The following SNTG1 variants were observed in gnomAD, a reference collection of about 807,000 sequenced individuals.
SNTG1 encodes gamma-1-syntrophin.
SNTG1 carries 39 observed loss-of-function variants against 74.7 expected under a neutral mutation model. That is an observed-to-expected ratio of 0.52 (90% confidence interval 0.40 to 0.68). SNTG1 has a LOEUF of 0.68. Among genes scored for constraint, SNTG1 ranks in the 30% least tolerant of loss-of-function variants. The pLI is 0.00. For synonymous variants in SNTG1, 254 were observed against 217.1 expected (o/e 1.17, Z -1.49); for missense variants, 685 against 609.5 (o/e 1.12, Z -1.30).
chr8:50,284,692 A>G (rs1048119696), intron 2 of SNTG1, among the ~76,000 whole-genome samples: 4 of 152,094 alleles, frequency 2.6e-5, no homozygotes, highest in Non-Finnish European at 5.9e-5. Flanking sequence ...ATCATTTGCT[A>G]CTTGGTGTTA....
At chr8:50,724,840 G>A (rs1044523304) in intron 17 of SNTG1, among the ~76,000 whole-genome samples, 5 of 152,050 alleles carry the variant, frequency 3.3e-5, no homozygotes, top group African/African-American at 4.8e-5. Flanking sequence ...TGAATTTATG[G>A]TAGCATTCAA....
intron 1 of SNTG1, among the ~76,000 whole-genome samples, chr8:49,913,529 T>C (rs535048741): frequency 5.3e-4 from 81 of 152,300 alleles, no homozygotes; most frequent in Non-Finnish European, 8.7e-4. Context: ...CCACTTACCA[T>C]GAACCTGCTT....
intron 12 of SNTG1, among the ~76,000 whole-genome samples, chr8:50,590,474 C>T (rs889525785): frequency 1.3e-5 from 2 of 152,000 alleles, no homozygotes; most frequent in African/African-American, 2.4e-5. Context: ...TATCCTTTAG[C>T]GTTTGGATAT....
chr8:50,529,570 G>C (rs1282184373), intron 9 of SNTG1, among the ~76,000 whole-genome samples: 1 of 151,816 alleles, frequency 6.6e-6, no homozygotes, highest in Admixed American at 6.6e-5. Context: ...TTACTAAACT[G>C]GGAAATCTTA....
intron 2 of SNTG1, among the ~76,000 whole-genome samples, chr8:50,263,112 G>A (rs1181370927): frequency 1.3e-5 from 2 of 152,168 alleles, no homozygotes; most frequent in Non-Finnish European, 2.9e-5. Flanking sequence ...AACTTTTCGT[G>A]ATAATGATGT....
At chr8:50,154,909 T>G (rs568019161) in intron 1 of SNTG1, among the ~76,000 whole-genome samples, 1 of 152,360 alleles carries the variant, frequency 6.6e-6, no homozygotes, top group African/African-American at 2.4e-5. Flanking sequence ...GTTCAGTTCA[T>G]GGCAATGTGG....
chr8:50,542,879 C>A (rs117731188), intron 11 of SNTG1, among the ~76,000 whole-genome samples: 1 of 152,060 alleles, frequency 6.6e-6, no homozygotes, highest in South Asian at 2.1e-4. Context: ...GTTGACCATA[C>A]GTATGTCTTC....
At chr8:50,450,656 C>T (rs2093447735) in intron 7 of SNTG1, 32 bp from the exon 8 acceptor site, 4 of 1,613,220 alleles carry the variant, frequency 2.5e-6, no homozygotes, top group Non-Finnish European at 3.4e-6. Context: ...TACAATATGC[C>T]ATGGGAAACT....
chr8:50,625,008 T>C (rs1002360665), intron 13 of SNTG1, among the ~76,000 whole-genome samples: 3 of 152,204 alleles, frequency 2.0e-5, no homozygotes, highest in Admixed American at 6.5e-5. Context: ...AGCTTCAGCA[T>C]TTCTTTTGCT....
intron 1 of SNTG1, among the ~76,000 whole-genome samples, chr8:49,939,571 C>G (rs2630550): frequency 0.87 from 132,130 of 152,232 alleles, 57,522 homozygotes; most frequent in East Asian, 1. Flanking sequence ...CGAGTAACTA[C>G]AATTACAGGT....
chr8:50,731,516 G>C (rs2095512992), intron 17 of SNTG1, among the ~76,000 whole-genome samples: 1 of 152,016 alleles, frequency 6.6e-6, no homozygotes, highest in Admixed American at 6.6e-5. Flanking sequence ...TCTTGCTCCT[G>C]TGTTTCTTAC....
At chr8:50,135,878 A>G (rs1272581726) in intron 1 of SNTG1, among the ~76,000 whole-genome samples, 1 of 152,142 alleles carries the variant, frequency 6.6e-6, no homozygotes, top group African/African-American at 2.4e-5. Flanking sequence ...GCTGATAGAT[A>G]GTTTTTTGAT....
At chr8:50,328,334 A>T (rs1192441739) in intron 2 of SNTG1, among the ~76,000 whole-genome samples, 1 of 152,172 alleles carries the variant, frequency 6.6e-6, no homozygotes, top group African/African-American at 2.4e-5. Flanking sequence ...TGTCAACTTT[A>T]AATATTTCAC....
chr8:50,438,693 G>A (rs554094523), intron 5 of SNTG1, 94 bp downstream of exon 5: 52 of 1,058,262 alleles, frequency 4.9e-5, no homozygotes, highest in Non-Finnish European at 7.0e-5. Context: ...AATTAGACAA[G>A]GATGGCTATA....
At chr8:50,611,367 A>G (rs2094848611) in intron 13 of SNTG1, among the ~76,000 whole-genome samples, 1 of 152,178 alleles carries the variant, frequency 6.6e-6, no homozygotes, top group South Asian at 2.1e-4. Context: ...AGAATCCCAG[A>G]CAGAGAACAG....
intron 2 of SNTG1, among the ~76,000 whole-genome samples, chr8:50,238,046 T>G (rs1331932548): frequency 6.6e-6 from 1 of 152,150 alleles, no homozygotes; most frequent in Admixed American, 6.5e-5. Flanking sequence ...GAGGAATCAA[T>G]ATTATTAAAA....
At chr8:50,758,955 C>T (rs1293044767) in intron 18 of SNTG1, among the ~76,000 whole-genome samples, 1 of 151,524 alleles carries the variant, frequency 6.6e-6, no homozygotes, top group East Asian at 2.0e-4. Flanking sequence ...AAAGCGTTCT[C>T]CACATTCTCT....
In SNTG1 at chr8:50,704,609, C is replaced by A. The variant is rs776045284; in HGVS notation, c.1048C>A (p.Leu350Met). 2.0e-5 allele frequency: 33 copies of A among 1,613,998 alleles called. No individual in the cohort carries two copies. In the Admixed American group the frequency reaches 5.5e-4, roughly 27 times the overall value. ...IMCKILKDSD[L>M]LDRRKQCFTV... Reference sequence around the variant, plus strand: ...TCCAGGTTTTCACCAGGACAGTGACCTGCTGGACCGACGGAAACAGTGCTT... The same window carrying A: ...TCCAGGTTTTCACCAGGACAGTGACATGCTGGACCGACGGAAACAGTGCTT... The change falls in exon 16 of 19, where the codon CTG becomes ATG. Residue 350 changes from leucine to methionine, a missense_variant. Coordinates refer to ENST00000642720, the MANE Select transcript of SNTG1 (RefSeq NM_018967.5).
Position 50,364,555 on chromosome 8 carries a change from A to G in SNTG1, c.-27-29657A>G, listed in dbSNP as rs144655111. On this transcript the variant is annotated intron_variant, in intron 2 of 18. Coordinates refer to ENST00000642720, the MANE Select transcript of SNTG1 (RefSeq NM_018967.5). Reference sequence around the variant, plus strand: ...GTTTTTCTTTAGGATTCTATATCGTATATCTTAAAATGCTTATATCATAGC... The same window carrying G: ...GTTTTTCTTTAGGATTCTATATCGTGTATCTTAAAATGCTTATATCATAGC... Among the ~76,000 whole-genome samples, 185 of 152,222 alleles carry G rather than the reference A, an allele frequency of 1.2e-3. 4 individuals carry two copies. In the East Asian group the frequency reaches 0.034, roughly 28 times the overall value.
Sources: gnomAD v4.1 joint callset for allele counts (sites outside exome capture counted in the v4.1 genomes callset) on GRCh38, gnomAD v4.1.1 for gene constraint, MANE v1.5 for transcripts, NCBI Gene and HGNC (gene_info 2026-07-23, HGNC 2026-07-21) for gene names.